Variants in CSMD3 observed in about 807,000 individuals in gnomAD.
CSMD3 encodes CUB and Sushi multiple domains 3.
Under a neutral mutation model 435.2 loss-of-function variants are expected in CSMD3, and 177 were observed. The observed-to-expected ratio is 0.41, with a 90% CI of 0.36 to 0.46. The LOEUF is 0.46. Ranked by LOEUF, CSMD3 falls within the 20% of genes least tolerant of loss-of-function variation. The pLI is 0.34. For synonymous variants in CSMD3, 1,656 were observed against 1,520.5 expected, an observed-to-expected ratio of 1.09 and a Z score of -2.07; for missense variants, 4,265 against 4,504.6, an observed-to-expected ratio of 0.95 and a Z score of 1.52.
At chr8:112,647,257 C>A (rs1276793429) in intron 19 of CSMD3, among the ~76,000 whole-genome samples, 2 of 150,346 alleles carry the variant, frequency 1.3e-5, no homozygotes, top group African/African-American at 2.4e-5. Flanking sequence ...CAAGGGCATC[C>A]TTTATTTTCT....
chr8:113,394,193 A>ACACAC (rs1344486807), intron 1 of CSMD3, among the ~76,000 whole-genome samples: 1 of 121,740 alleles, frequency 8.2e-6, no homozygotes, highest in Non-Finnish European at 1.8e-5. Flanking sequence ...CACACACACA[A>ACACAC]GGGGTTTAAT....
intron 36 of CSMD3, among the ~76,000 whole-genome samples, chr8:112,388,536 G>A (rs1028458392): frequency 6.6e-6 from 1 of 152,110 alleles, no homozygotes; most frequent in East Asian, 1.9e-4. Flanking sequence ...TAATGGATGA[G>A]GAAGTTGTTC....
chr8:112,648,191 T>C (rs751397531), intron 19 of CSMD3, among the ~76,000 whole-genome samples: 5 of 152,168 alleles, frequency 3.3e-5, no homozygotes, highest in African/African-American at 9.7e-5. Context: ...TAGTTACCGC[T>C]GGGGCAAAAG....
intron 32 of CSMD3, among the ~76,000 whole-genome samples, chr8:112,422,241 A>G (rs755115144): frequency 2.6e-5 from 4 of 152,192 alleles, no homozygotes; most frequent in Non-Finnish European, 5.9e-5. Flanking sequence ...AATATTTTAT[A>G]ATTTATTTAT....
At chr8:113,092,818 C>A (rs1268190402) in intron 5 of CSMD3, among the ~76,000 whole-genome samples, 4 of 151,922 alleles carry the variant, frequency 2.6e-5, no homozygotes, top group Admixed American at 2.6e-4. Flanking sequence ...CCTCCAGAAA[C>A]CTGCATTAAA....
Position 112,829,746 on chromosome 8 carries a change from T to C in CSMD3, c.1799A>G (p.Tyr600Cys). Reference sequence around the variant, plus strand: ...CCCATCGCCAATTGTCAAGGTATCATAGCCAATCTCCAGATCAAATTCTTC... The same window carrying C: ...CCCATCGCCAATTGTCAAGGTATCACAGCCAATCTCCAGATCAAATTCTTC... ...NFEEFDLEIGYDTLTIGDGGE... is the reference protein window; with the variant it reads ...NFEEFDLEIGCDTLTIGDGGE... Residue 600 changes from tyrosine (Y) to cysteine (C), a missense_variant, in exon 12 of 71, where the codon TAT becomes TGT. By Grantham distance (194) the Tyr-to-Cys change is radical. Coordinates refer to ENST00000297405, the MANE Select transcript of CSMD3 (RefSeq NM_198123.2). 1.2e-6 allele frequency: 2 copies of C among 1,613,376 alleles called. No homozygotes were observed. Among genetic ancestry groups the C allele is most frequent in the Non-Finnish European group, 1.7e-6 (2 of 1,179,426 alleles).
chr8:113,022,247 A>C (rs543018601), intron 5 of CSMD3, among the ~76,000 whole-genome samples: 11 of 151,990 alleles, frequency 7.2e-5, no homozygotes, highest in African/African-American at 2.7e-4. Flanking sequence ...TCTAAAATAT[A>C]ACTTATTGTT....
At chr8:113,381,738 T>C (rs1308261345) in intron 1 of CSMD3, among the ~76,000 whole-genome samples, 2 of 151,990 alleles carry the variant, frequency 1.3e-5, no homozygotes, top group Admixed American at 6.6e-5. Flanking sequence ...AGGTAAAATA[T>C]GATTTTATAA....
At chr8:112,260,474 T>A (rs1586572248) in intron 61 of CSMD3, among the ~76,000 whole-genome samples, 1 of 152,160 alleles carries the variant, frequency 6.6e-6, no homozygotes, top group Non-Finnish European at 1.5e-5. Context: ...GAGACAAAGA[T>A]AGCGTTATTA....
At chr8:112,442,481 T>A (rs1815136409) in intron 32 of CSMD3, among the ~76,000 whole-genome samples, 1 of 152,220 alleles carries the variant, frequency 6.6e-6, no homozygotes, top group African/African-American at 2.4e-5. Flanking sequence ...ATTTCTCTAA[T>A]CCTTGATATC....
At chr8:112,524,891 T>A (rs1258212500) in intron 27 of CSMD3, among the ~76,000 whole-genome samples, 2 of 152,072 alleles carry the variant, frequency 1.3e-5, no homozygotes, top group East Asian at 3.8e-4. Flanking sequence ...ATGTTCATTC[T>A]TTAATTGGTT....
chr8:112,646,736 T>C (rs1422147313), intron 19 of CSMD3, among the ~76,000 whole-genome samples: 1 of 152,188 alleles, frequency 6.6e-6, no homozygotes, highest in Non-Finnish European at 1.5e-5. Context: ...TGAAGATTTC[T>C]GTTATTTGAA....
chr8:112,605,803 A>G (rs1396469752), intron 22 of CSMD3, among the ~76,000 whole-genome samples: 1 of 152,180 alleles, frequency 6.6e-6, no homozygotes, highest in Non-Finnish European at 1.5e-5. Flanking sequence ...TGGAAAAAAT[A>G]CCTGTTTTCA....
At chr8:112,301,290 T>A (rs1820900772) in intron 53 of CSMD3, among the ~76,000 whole-genome samples, 1 of 152,032 alleles carries the variant, frequency 6.6e-6, no homozygotes, top group Non-Finnish European at 1.5e-5. Flanking sequence ...GGGGAAAACA[T>A]CCTAATTGCC....
intron 2 of CSMD3, among the ~76,000 whole-genome samples, chr8:113,292,646 A>C (rs1239420912): frequency 6.6e-6 from 1 of 151,884 alleles, no homozygotes; most frequent in Non-Finnish European, 1.5e-5. Context: ...AATGAGACAA[A>C]AATGTAATTT....
At chr8:113,281,662 T>C (rs991611028) in intron 2 of CSMD3, among the ~76,000 whole-genome samples, 12 of 152,070 alleles carry the variant, frequency 7.9e-5, no homozygotes, top group Non-Finnish European at 1.6e-4. Flanking sequence ...ACATTCAATG[T>C]TAGTATTGAA....
chr8:112,494,496 TTTCTTTC>T (rs1563615125), intron 30 of CSMD3, among the ~76,000 whole-genome samples: 12,024 of 91,616 alleles, frequency 0.13, 1,872 homozygotes, highest in Middle Eastern at 0.18. Context: ...CTTTCTCTCC[TTTCTTTC>T]TTTCTTTCTT....
intron 14 of CSMD3, among the ~76,000 whole-genome samples, chr8:112,687,237 A>T (rs1378250594): frequency 6.6e-6 from 1 of 151,926 alleles, no homozygotes; most frequent in Non-Finnish European, 1.5e-5. Context: ...CTTCTCCTCC[A>T]TTGATAAGAA....
chr8:113,232,034 C>T (rs2093094257), intron 3 of CSMD3, among the ~76,000 whole-genome samples: 2 of 151,214 alleles, frequency 1.3e-5, no homozygotes, highest in Admixed American at 1.3e-4. Flanking sequence ...CAATTTAAAC[C>T]ACTACTTGCA....
Sources: gnomAD v4.1 joint callset for allele counts (sites outside exome capture counted in the v4.1 genomes callset) on GRCh38, gnomAD v4.1.1 for gene constraint, MANE v1.5 for transcripts, NCBI Gene and HGNC (gene_info 2026-07-23, HGNC 2026-07-21) for gene names.